RPRD2: variants seen among roughly 807,000 people sequenced by gnomAD.
RPRD2 encodes the protein regulation of nuclear pre-mRNA domain containing 2.
RPRD2 carries 12 observed loss-of-function variants against 104.4 expected under a neutral mutation model. The observed-to-expected ratio is 0.11, with a 90% confidence interval of 0.07 to 0.19. The LOEUF (loss-of-function observed/expected upper bound fraction) is 0.19. Among genes scored for constraint, RPRD2 ranks in the 10% least tolerant of loss-of-function variants. RPRD2 has a pLI of 1.00. For missense variants in RPRD2, 1,543 were observed against 1,790.1 expected (o/e 0.86, Z 2.49); for synonymous variants, 714 against 684.9 (o/e 1.04, Z -0.66).
At chr1:150,381,673 T>C (rs1375801202) in intron 1 of RPRD2, among the ~76,000 whole-genome samples, 4 of 151,774 alleles carry the variant, frequency 2.6e-5, no homozygotes, top group African/African-American at 9.7e-5. Context: ...CCTGGCTAAT[T>C]TTTTGTATTT....
At chr1:150,413,953 C>T (rs185164392) in intron 1 of RPRD2, among the ~76,000 whole-genome samples, 1 of 151,686 alleles carries the variant, frequency 6.6e-6, no homozygotes, top group Non-Finnish European at 1.5e-5. Context: ...ATTAGCCAGA[C>T]ATGGTGGCAT....
chr1:150,470,428 G>A (rs1054918012), intron 10 of RPRD2, 133 bp from the exon 11 acceptor site: 6 of 835,592 alleles, frequency 7.2e-6, no homozygotes, highest in Non-Finnish European at 9.1e-6. Context: ...GTTTGGTCTG[G>A]ATTCCTTTTG....
intron 2 of RPRD2, among the ~76,000 whole-genome samples, chr1:150,425,879 G>C (rs1278513420): frequency 1.3e-5 from 2 of 152,026 alleles, no homozygotes; most frequent in African/African-American, 4.8e-5. Context: ...GGGAGGCCAA[G>C]GCAGCAGTAT....
At chr1:150,418,754 G>A (rs193149239) in intron 2 of RPRD2, among the ~76,000 whole-genome samples, 21 of 152,280 alleles carry the variant, frequency 1.4e-4, no homozygotes, top group African/African-American at 5.1e-4. Flanking sequence ...GCTCACGCCT[G>A]TAATCCCAGC....
At chr1:150,399,967 T>A (rs115155736) in intron 1 of RPRD2, among the ~76,000 whole-genome samples, 3,068 of 152,258 alleles carry the variant, frequency 0.02, 132 homozygotes, top group African/African-American at 0.071. Flanking sequence ...CTAAATTGAA[T>A]GTGGACATTA....
At chr1:150,455,053 A>T (rs1425532559) in intron 7 of RPRD2, among the ~76,000 whole-genome samples, 1 of 152,170 alleles carries the variant, frequency 6.6e-6, no homozygotes, top group Non-Finnish European at 1.5e-5. Flanking sequence ...TGTGCCCTTG[A>T]TATGGTGTGA....
chr1:150,431,497 T>TTTTTTTTTTTTTTTTTTTTTA, intron 2 of RPRD2, among the ~76,000 whole-genome samples: 1 of 94,588 alleles, frequency 1.1e-5, no homozygotes, highest in Non-Finnish European at 2.2e-5. Flanking sequence ...TTTTTTTTTT[T>TTTTTTTTTTTTTTTTTTTTTA]GAGACGGGGT....
chr1:150,431,542 A>G (rs1031488477), intron 2 of RPRD2, among the ~76,000 whole-genome samples: 1 of 134,288 alleles, frequency 7.4e-6, no homozygotes, highest in Non-Finnish European at 1.5e-5. Context: ...GTTCAACAGC[A>G]CAATCTCGGC....
intron 7 of RPRD2, among the ~76,000 whole-genome samples, chr1:150,452,661 C>CTTTTTTTTTTT (rs782322743): frequency 2.8e-5 from 2 of 71,222 alleles, no homozygotes; most frequent in African/African-American, 5.7e-5. Context: ...GACATATCCC[C>CTTTTTTTTTTT]TTTTTTTTTT....
intron 1 of RPRD2, among the ~76,000 whole-genome samples, chr1:150,368,909 C>T (rs782672520): frequency 2.6e-5 from 4 of 152,092 alleles, no homozygotes; most frequent in African/African-American, 7.2e-5. Context: ...CACCCGGCTT[C>T]GCTTTATTTC....
At chr1:150,405,219 A>G (rs1373569648) in intron 1 of RPRD2, among the ~76,000 whole-genome samples, 6 of 152,204 alleles carry the variant, frequency 3.9e-5, no homozygotes, top group Admixed American at 2.6e-4. Flanking sequence ...AGAAATGAGT[A>G]GTAAATTAAG....
At chr1:150,422,269 G>C (rs146348865) in intron 2 of RPRD2, among the ~76,000 whole-genome samples, 3 of 149,808 alleles carry the variant, frequency 2.0e-5, no homozygotes, top group Admixed American at 6.7e-5. Flanking sequence ...GCATGAACCC[G>C]GGAAGCAGAG....
At chr1:150,457,678 T>A in intron 8 of RPRD2, 108 bp downstream of exon 8, 1 of 938,078 alleles carries the variant, frequency 1.1e-6, no homozygotes, top group South Asian at 1.5e-5. Context: ...TCTTAAAAGA[T>A]AGAACACCAA....
intron 7 of RPRD2, among the ~76,000 whole-genome samples, chr1:150,449,181 G>T (rs1666994949): frequency 6.6e-6 from 1 of 152,140 alleles, no homozygotes; most frequent in East Asian, 1.9e-4. Flanking sequence ...CCCCGAATTG[G>T]CTAATGGATA....
chr1:150,374,790 CTCTT>C (rs1409307659), intron 1 of RPRD2, among the ~76,000 whole-genome samples: 104 of 152,284 alleles, frequency 6.8e-4, no homozygotes, highest in African/African-American at 2.4e-3. Context: ...TTTTAGATGA[CTCTT>C]TCTACTTAGT....
At chr1:150,417,820 T>C in intron 2 of RPRD2, 95 bp downstream of exon 2, 1 of 961,910 alleles carries the variant, frequency 1.0e-6, no homozygotes, top group Middle Eastern at 2.4e-4. Flanking sequence ...TTGAACATGC[T>C]TGAAGATTAA....
chr1:150,383,402 C>T (rs71622696), intron 1 of RPRD2, among the ~76,000 whole-genome samples: 18,016 of 150,356 alleles, frequency 0.12, 1,523 homozygotes, highest in African/African-American at 0.23. Flanking sequence ...GCAACCTCCA[C>T]CTCTCAGGTT....
chr1:150,441,983 A>G (rs1666435996), intron 4 of RPRD2, 25 bp downstream of exon 4: 9 of 1,540,354 alleles, frequency 5.8e-6, no homozygotes, highest in African/African-American at 1.4e-5. Flanking sequence ...CTCAACTAAT[A>G]TAAAATTACC....
At chr1:150,442,599 G>A (rs1348277253) in intron 4 of RPRD2, among the ~76,000 whole-genome samples, 3 of 152,170 alleles carry the variant, frequency 2.0e-5, no homozygotes, top group Admixed American at 6.5e-5. Flanking sequence ...GAGGTGAAAC[G>A]AGATACTTGG....
Sources: allele counts gnomAD v4.1 joint callset (sites outside exome capture counted in the v4.1 genomes callset), GRCh38; gene constraint gnomAD v4.1.1; transcripts MANE v1.5; gene names NCBI Gene and HGNC (gene_info 2026-07-23, HGNC 2026-07-21).